Variants in THSD7B observed in about 807,000 individuals in gnomAD.
The protein encoded by THSD7B is thrombospondin type-1 domain-containing protein 7B.
Under a neutral mutation model 213.6 loss-of-function variants are expected in THSD7B, and 138 were observed. The ratio of observed to expected loss-of-function variants is 0.65; its 90% CI spans 0.56 to 0.74. The LOEUF is 0.74. Ranked by LOEUF, THSD7B falls within the 30% of genes least tolerant of loss-of-function variation. The pLI, the probability that THSD7B is intolerant of heterozygous loss-of-function variation, is 0.00. For missense variants in THSD7B, 1,931 were observed against 1,991.5 expected, an observed-to-expected ratio of 0.97 and a Z score of 0.58; for synonymous variants, 742 against 687.0, an observed-to-expected ratio of 1.08 and a Z score of -1.25.
chr2:137,555,985 T>C (rs1405471296), intron 15 of THSD7B, among the ~76,000 whole-genome samples: 2 of 151,824 alleles, frequency 1.3e-5, no homozygotes, highest in Non-Finnish European at 2.9e-5. Flanking sequence ...AGAAGAGAAG[T>C]TTAGAGAAAG....
chr2:137,271,198 C>T (rs1443195275), intron 10 of THSD7B, among the ~76,000 whole-genome samples: 1 of 151,230 alleles, frequency 6.6e-6, no homozygotes, highest in Non-Finnish European at 1.5e-5. Context: ...TTCTTTATAA[C>T]CCTCACTGCG....
chr2:137,265,162 A>G (rs530211484), intron 10 of THSD7B, among the ~76,000 whole-genome samples: 1 of 152,180 alleles, frequency 6.6e-6, no homozygotes, highest in Non-Finnish European at 1.5e-5. Context: ...TGAACTAATC[A>G]TTTTTTATGG....
intron 2 of THSD7B, among the ~76,000 whole-genome samples, chr2:137,053,138 C>G (rs937253813): frequency 6.6e-6 from 1 of 152,042 alleles, no homozygotes; most frequent in East Asian, 1.9e-4. Context: ...TACATACTGC[C>G]TTCATTACCT....
intron 17 of THSD7B, among the ~76,000 whole-genome samples, chr2:137,596,768 T>C (rs1681968495): frequency 6.6e-6 from 1 of 151,904 alleles, no homozygotes; most frequent in African/African-American, 2.4e-5. Context: ...TTCTTCAAGA[T>C]TGTTAATACC....
chr2:137,288,558 A>G (rs974388214), intron 12 of THSD7B, among the ~76,000 whole-genome samples: 4 of 152,196 alleles, frequency 2.6e-5, no homozygotes, highest in East Asian at 1.9e-4. Context: ...AGGAGTCTAC[A>G]TAAAAGGCAT....
At chr2:136,831,210 A>G (rs1361853804) in intron 1 of THSD7B, among the ~76,000 whole-genome samples, 1 of 147,362 alleles carries the variant, frequency 6.8e-6, no homozygotes, top group Non-Finnish European at 1.5e-5. Context: ...TCAAAATTAT[A>G]TTTCCTAACA....
At chr2:137,413,151 C>T (rs950621226) in intron 14 of THSD7B, among the ~76,000 whole-genome samples, 8 of 152,154 alleles carry the variant, frequency 5.3e-5, no homozygotes, top group African/African-American at 1.4e-4. Context: ...ACTCTCATTG[C>T]TTTATATAGG....
chr2:136,894,850 A>G (rs1159702413), intron 2 of THSD7B, among the ~76,000 whole-genome samples: 1 of 152,076 alleles, frequency 6.6e-6, no homozygotes, highest in Admixed American at 6.6e-5. Context: ...TGACATTCCT[A>G]ATATACTTTA....
chr2:137,459,698 A>C (rs1334938260), intron 15 of THSD7B, among the ~76,000 whole-genome samples: 1 of 152,028 alleles, frequency 6.6e-6, no homozygotes, highest in Non-Finnish European at 1.5e-5. Flanking sequence ...GATAAAAATA[A>C]TAATCTCTCT....
chr2:137,437,149 G>A (rs1202832128), intron 14 of THSD7B, among the ~76,000 whole-genome samples: 1 of 152,088 alleles, frequency 6.6e-6, no homozygotes, highest in Non-Finnish European at 1.5e-5. Flanking sequence ...TGAATGCAAA[G>A]TACATTCTAA....
At chr2:137,128,000 CAT>C (rs2104950064) in intron 5 of THSD7B, among the ~76,000 whole-genome samples, 1 of 152,128 alleles carries the variant, frequency 6.6e-6, no homozygotes, top group Non-Finnish European at 1.5e-5. Context: ...TATAGGGAAA[CAT>C]AGATGTAAAG....
intron 7 of THSD7B, among the ~76,000 whole-genome samples, chr2:137,204,169 A>G (rs1680935400): frequency 6.6e-6 from 1 of 152,238 alleles, no homozygotes; most frequent in South Asian, 2.1e-4. Context: ...AGTGGGCACC[A>G]TGGAAAAAAA....
chr2:137,346,488 CT>C (rs1400057162), intron 12 of THSD7B, among the ~76,000 whole-genome samples: 1 of 151,350 alleles, frequency 6.6e-6, no homozygotes, highest in Non-Finnish European at 1.5e-5. Flanking sequence ...TTCTCTCTCT[CT>C]CTCTCTCTCC....
At chr2:137,183,185 T>C (rs1339325562) in intron 7 of THSD7B, among the ~76,000 whole-genome samples, 2 of 152,140 alleles carry the variant, frequency 1.3e-5, no homozygotes, top group African/African-American at 4.8e-5. Context: ...TTTTGTATTT[T>C]AAAATCTTTA....
rs771356720 is a variant in THSD7B, at chr2:136,898,578, C to CA, written c.139+16261_139+16262insA. Among the ~76,000 whole-genome samples, 109 of 115,900 alleles carry CA rather than the reference C, an allele frequency of 9.4e-4. 2 individuals carry two copies. Among genetic ancestry groups the CA allele is most frequent in the African/African-American group, 3.0e-3 (107 of 36,172 alleles). The allele number at this position is 115,900 out of a possible 152,430, so 76.0% of individuals were successfully genotyped here. ...TTCTATTTAGCTCCCCTTGTCCCCC[C>CA]GCCCCCCCGCCAAAAGAGCTCACAG... On this transcript the variant is annotated intron_variant, in intron 2 of 27. Coordinates refer to ENST00000409968, the MANE Select transcript of THSD7B (RefSeq NM_001316349.2).
At chr2:136,775,595 C>A (rs929443282) in intron 1 of THSD7B, among the ~76,000 whole-genome samples, 2 of 152,070 alleles carry the variant, frequency 1.3e-5, no homozygotes, top group Non-Finnish European at 2.9e-5. Flanking sequence ...TGGAAGTATG[C>A]ATATGGGAGG....
chr2:136,944,730 T>C (rs987338062), intron 2 of THSD7B, among the ~76,000 whole-genome samples: 1 of 112,100 alleles, frequency 8.9e-6, no homozygotes, highest in Non-Finnish European at 1.8e-5. Context: ...TTTTTTTTTT[T>C]CCATTTGCTT....
At chr2:137,217,390 T>C (rs1164152340) in intron 7 of THSD7B, among the ~76,000 whole-genome samples, 2 of 152,220 alleles carry the variant, frequency 1.3e-5, no homozygotes, top group Non-Finnish European at 2.9e-5. Flanking sequence ...GAACACTTAC[T>C]GTGTACCTGT....
At chr2:137,416,029 C>T (rs977503099) in intron 14 of THSD7B, among the ~76,000 whole-genome samples, 3 of 152,194 alleles carry the variant, frequency 2.0e-5, no homozygotes, top group Non-Finnish European at 4.4e-5. Flanking sequence ...GTATCCACAA[C>T]ACCTACAGTG....
Sources: allele counts gnomAD v4.1 joint callset (sites outside exome capture counted in the v4.1 genomes callset), GRCh38; gene constraint gnomAD v4.1.1; transcripts MANE v1.5; gene names NCBI Gene and HGNC (gene_info 2026-07-23, HGNC 2026-07-21).